Variants in SLC45A4 observed in about 807,000 individuals in gnomAD.
The protein encoded by SLC45A4 is polyamine-transporter SLC45A4.
Under a neutral mutation model 63.7 loss-of-function variants are expected in SLC45A4, and 32 were observed. That is an observed-to-expected ratio of 0.50 (90% CI 0.38 to 0.67). The LOEUF is 0.67. Ranked by LOEUF, SLC45A4 falls within the 30% of genes least tolerant of loss-of-function variation. The pLI is 0.00. For missense variants in SLC45A4, 1,027 were observed against 1,157.7 expected (o/e 0.89, Z 1.64); for synonymous variants, 535 against 510.0 (o/e 1.05, Z -0.66).
At chr8:141,301,552 G>A (rs1830743021) in intron 1 of SLC45A4, among the ~76,000 whole-genome samples, 1 of 151,756 alleles carries the variant, frequency 6.6e-6, no homozygotes, top group South Asian at 2.1e-4. Flanking sequence ...TTCATGACCG[G>A]CCTGGGCAAC....
chr8:141,215,918 G>A lies in SLC45A4; in HGVS notation c.1782C>T (p.Tyr594=), dbSNP rs751693756. The change falls in exon 7 of 9, where the codon TAC becomes TAT. Residue 594 remains tyrosine (Y), a synonymous_variant. Coordinates refer to ENST00000517878, the MANE Select transcript of SLC45A4 (RefSeq NM_001286646.2). The surrounding 1 kb of genome is among the most constrained non-coding windows in gnomAD (Gnocchi z 4.3). Reference sequence around the variant, plus strand: ...CAGAGAAGCCCAGCGTCCCCAGCACGTAGATCACCCTGACGCTCAGGTCGT... The same window carrying A: ...CAGAGAAGCCCAGCGTCCCCAGCACATAGATCACCCTGACGCTCAGGTCGT... The part of the protein sequence containing the change: ...DNYDLSVRVI[Y]VLGTLGFSVG... The A allele has an allele frequency of 1.2e-5, 19 of 1,613,992 alleles. No individual in the cohort carries two copies. Among genetic ancestry groups the A allele is most frequent in the South Asian group, 2.2e-5 (2 of 91,086 alleles).
intron 1 of SLC45A4, among the ~76,000 whole-genome samples, chr8:141,288,091 C>T (rs113160077): frequency 0.033 from 4,962 of 152,214 alleles, 140 homozygotes; most frequent in Middle Eastern, 0.085. Flanking sequence ...GTGGGAGGAT[C>T]GCTTGAGTCC....
Position 141,227,874 on chromosome 8 carries a change from C to G in SLC45A4, c.242-6109G>C, listed in dbSNP as rs1827109581. 6.6e-6 allele frequency among the ~76,000 whole-genome samples: 1 copy of G among 152,234 alleles called. No individual in the cohort carries two copies. Among genetic ancestry groups the G allele is most frequent in the Non-Finnish European group, 1.5e-5 (1 of 68,036 alleles). On this transcript the variant is annotated intron_variant, in intron 2 of 8. Coordinates refer to ENST00000517878, the MANE Select transcript of SLC45A4 (RefSeq NM_001286646.2). The surrounding 1 kb of genome is among the most constrained non-coding windows in gnomAD (Gnocchi z 4.4). ...TTCTCACATGTGCCGCCTTCCCACT[C>G]CAACACCCACGGCCCACCCAGCCCC...
chr8:141,221,190 A>G (rs1450545706), intron 3 of SLC45A4, among the ~76,000 whole-genome samples: 1 of 152,290 alleles, frequency 6.6e-6, no homozygotes, highest in Non-Finnish European at 1.5e-5. Flanking sequence ...TTAATTCAAA[A>G]GAAAACAACA....
chr8:141,253,721 A>G (rs1001006741), intron 2 of SLC45A4, among the ~76,000 whole-genome samples: 2 of 152,238 alleles, frequency 1.3e-5, no homozygotes, highest in Non-Finnish European at 2.9e-5. Context: ...AGTACTTATC[A>G]GTGCCAATTC....
At chr8:141,246,617 TTGCACAAGGCC>T (rs1828215769) in intron 2 of SLC45A4, among the ~76,000 whole-genome samples, 2 of 70,532 alleles carry the variant, frequency 2.8e-5, no homozygotes, top group Non-Finnish European at 6.8e-5. Flanking sequence ...GGGGAGGGCA[TTGCACAAGGCC>T]GTGAAAGCCA....
chr8:141,235,087 C>A (rs745332034), intron 2 of SLC45A4, among the ~76,000 whole-genome samples: 2 of 152,210 alleles, frequency 1.3e-5, no homozygotes, highest in Admixed American at 6.5e-5. Context: ...CAGGTGACCA[C>A]GCTCAGCTCT....
intron 2 of SLC45A4, among the ~76,000 whole-genome samples, chr8:141,231,489 G>A (rs1827346625): frequency 6.6e-6 from 1 of 152,344 alleles, no homozygotes; most frequent in East Asian, 1.9e-4. Context: ...CACATTAGGA[G>A]GGGCTGCTCC....
intron 1 of SLC45A4, among the ~76,000 whole-genome samples, chr8:141,283,823 T>G (rs949433600): frequency 1.3e-5 from 2 of 152,180 alleles, no homozygotes; most frequent in African/African-American, 2.4e-5. Context: ...CCATGATGGC[T>G]GGACATTTGA....
chr8:141,216,224 C>A (rs186600198), intron 6 of SLC45A4, among the ~76,000 whole-genome samples: 1 of 152,354 alleles, frequency 6.6e-6, no homozygotes, highest in East Asian at 1.9e-4. Context: ...CCCCATAACC[C>A]CGCCCTTCCT....
intron 2 of SLC45A4, among the ~76,000 whole-genome samples, chr8:141,222,817 T>C (rs1183502084): frequency 1.3e-5 from 2 of 152,218 alleles, no homozygotes; most frequent in East Asian, 1.9e-4. Context: ...TGGGTGCCGG[T>C]TGCCCTTGGC....
In SLC45A4 at chr8:141,254,886, G is replaced by A. The variant is rs189543922; in HGVS notation, c.-400-257C>T. 2 of 395,640 alleles carry A rather than the reference G, an allele frequency of 5.1e-6. No homozygotes were observed. The highest frequency in any genetic ancestry group is 4.0e-5 in the South Asian group (2 of 50,010). The allele number at this position is 395,640 out of a possible 1,614,324, so 24.5% of individuals were successfully genotyped here. ...TCAAGGAAAGCAGGATCAAAGAACAGACAGAGAAAAACGCTGGAAATATTC... is the reference window on the plus strand; with the variant it reads ...TCAAGGAAAGCAGGATCAAAGAACAAACAGAGAAAAACGCTGGAAATATTC... On this transcript the variant is annotated intron_variant, in intron 1 of 8. Coordinates refer to ENST00000517878, the MANE Select transcript of SLC45A4 (RefSeq NM_001286646.2). This position sits in a 1 kb window ranked among gnomAD's most constrained non-coding sequence, Gnocchi z 4.5.
chr8:141,242,609 G>A (rs982793523), intron 2 of SLC45A4, among the ~76,000 whole-genome samples: 6 of 152,294 alleles, frequency 3.9e-5, no homozygotes, highest in South Asian at 2.1e-4. Context: ...TGCAGCTCCC[G>A]TGGTACATCG....
At chr8:141,261,386 A>G (rs1408691410) in intron 1 of SLC45A4, among the ~76,000 whole-genome samples, 38 of 151,922 alleles carry the variant, frequency 2.5e-4, no homozygotes, top group Admixed American at 1.4e-3. Context: ...AATTAGGCAG[A>G]AGAAGGAAAT....
chr8:141,218,749 G>A lies in SLC45A4; in HGVS notation c.891C>T (p.Tyr297=), dbSNP rs370015763. The change falls in exon 5 of 9, where the codon TAC becomes TAT. Residue 297 remains tyrosine, a synonymous_variant. Coordinates refer to ENST00000517878, the MANE Select transcript of SLC45A4 (RefSeq NM_001286646.2). ...TGCTGCGCATGATGTCCACGTCCGG[G>A]TAGTCCAGGGCCAGCTCGTGCTCCG... ...VQSEHELALD[Y]PDVDIMRSKS... 10 of 1,613,170 alleles carry A rather than the reference G, an allele frequency of 6.2e-6. No individual in the cohort carries two copies. The African/African-American group carries it at 1.1e-4, about 17-fold the overall frequency.
intron 1 of SLC45A4, among the ~76,000 whole-genome samples, chr8:141,279,070 C>G (rs912653081): frequency 2.0e-5 from 3 of 152,270 alleles, no homozygotes; most frequent in Admixed American, 2.0e-4. Flanking sequence ...CCCAAGACCC[C>G]CACCTCTGTG....
intron 1 of SLC45A4, among the ~76,000 whole-genome samples, chr8:141,267,695 A>G (rs1052889553): frequency 1.3e-5 from 2 of 150,622 alleles, no homozygotes; most frequent in African/African-American, 5.0e-5. Context: ...AAGATGATAC[A>G]CAGACAGCAA....
Position 141,211,437 on chromosome 8 carries a change from G to A in SLC45A4, c.*135C>T. 1 of 1,566,588 alleles carries A rather than the reference G, an allele frequency of 6.4e-7. No individual in the cohort carries two copies. On this transcript the variant is annotated 3_prime_UTR_variant, in exon 9 of 9. Coordinates refer to ENST00000517878, the MANE Select transcript of SLC45A4 (RefSeq NM_001286646.2). ...GGCAGGGTGTCTGGGAGCCACCCCT[G>A]CAAATCACTGTCTTCTGCCCAGGCC...
rs569619692 is a variant in SLC45A4 at position 141,285,440 on chromosome 8, C to T, written c.-401+22656G>A. ...TACCGAATCCCCACTCCACAGTGAC[C>T]GGCCTTGCACTTGGCCCGAGGTCAC... On this transcript the variant is annotated intron_variant, in intron 1 of 8. Coordinates refer to ENST00000517878, the MANE Select transcript of SLC45A4 (RefSeq NM_001286646.2). Among the ~76,000 whole-genome samples the T allele has an allele frequency of 1.2e-4, 18 of 152,318 alleles. No individual in the cohort carries two copies. The South Asian group carries it at 1.4e-3, about 12-fold the overall frequency.
Sources: allele counts gnomAD v4.1 joint callset (sites outside exome capture counted in the v4.1 genomes callset), GRCh38; gene constraint gnomAD v4.1.1; non-coding constraint Gnocchi (gnomAD v3.1); transcripts MANE v1.5; gene names NCBI Gene and HGNC (gene_info 2026-07-23, HGNC 2026-07-21).